The following ADGRL2 variants were observed in gnomAD, a reference collection of about 807,000 sequenced individuals.
ADGRL2 encodes calcium-independent alpha-latrotoxin receptor 2.
In ADGRL2, 44 loss-of-function variants were observed where a neutral mutation model predicts 157.4. The ratio of observed to expected loss-of-function variants is 0.28; its 90% CI spans 0.22 to 0.36. The LOEUF is 0.36. ADGRL2 is among the 10% of genes least tolerant of loss of function. ADGRL2 has a pLI of 1.00. For synonymous variants in ADGRL2, 585 were observed against 624.7 expected, an observed-to-expected ratio of 0.94 and a Z score of 0.95; for missense variants, 1,510 against 1,768.9, an observed-to-expected ratio of 0.85 and a Z score of 2.63.
At chr1:81,731,186 T>C (rs1242169041) in intron 1 of ADGRL2, among the ~76,000 whole-genome samples, 1 of 152,236 alleles carries the variant, frequency 6.6e-6, no homozygotes, top group Non-Finnish European at 1.5e-5. Context: ...AATGAACCAG[T>C]GTATTATGTT....
chr1:81,500,583 G>T (rs2078824890), intron 2 of ADGRL2, among the ~76,000 whole-genome samples: 1 of 152,122 alleles, frequency 6.6e-6, no homozygotes, highest in Admixed American at 6.6e-5. Flanking sequence ...ACTTATATAA[G>T]AGGTACCTGG....
chr1:81,600,114 T>A (rs2081308305), intron 3 of ADGRL2, among the ~76,000 whole-genome samples: 1 of 152,234 alleles, frequency 6.6e-6, no homozygotes, highest in African/African-American at 2.4e-5. Flanking sequence ...TGTGATGCTA[T>A]TTTCAAAATC....
chr1:81,775,589 A>T (rs983222919), intron 2 of ADGRL2, among the ~76,000 whole-genome samples: 145 of 152,174 alleles, frequency 9.5e-4, no homozygotes, highest in African/African-American at 3.4e-3. Flanking sequence ...TGGTTTAAAA[A>T]AAAAAAAAAA....
intron 2 of ADGRL2, among the ~76,000 whole-genome samples, chr1:81,550,559 A>T (rs1335273495): frequency 6.6e-6 from 1 of 152,176 alleles, no homozygotes; most frequent in Non-Finnish European, 1.5e-5. Flanking sequence ...AAATAAAGAC[A>T]ATTTCTCATC....
At chr1:81,652,049 C>T (rs1278425399) in intron 3 of ADGRL2, among the ~76,000 whole-genome samples, 1 of 152,128 alleles carries the variant, frequency 6.6e-6, no homozygotes, top group Non-Finnish European at 1.5e-5. Context: ...CTTTTCTCCA[C>T]ATGGCTAATG....
chr1:81,966,916 C>T (rs1657218396), intron 13 of ADGRL2, among the ~76,000 whole-genome samples: 2 of 152,132 alleles, frequency 1.3e-5, no homozygotes. Flanking sequence ...TGAAAATTAA[C>T]CCTTACCTTA....
chr1:81,559,440 A>G (rs1267636281), intron 2 of ADGRL2, among the ~76,000 whole-genome samples: 1 of 150,364 alleles, frequency 6.7e-6, no homozygotes, highest in African/African-American at 2.5e-5. Context: ...CCAATAAGCT[A>G]TGCTCCATGT....
chr1:81,653,744 A>G (rs1219608947), intron 3 of ADGRL2, among the ~76,000 whole-genome samples: 1 of 152,140 alleles, frequency 6.6e-6, no homozygotes, highest in Non-Finnish European at 1.5e-5. Flanking sequence ...TATTTAATCA[A>G]TAGGGATGTT....
At chr1:81,323,804 G>A (rs1182977567) in intron 1 of ADGRL2, among the ~76,000 whole-genome samples, 2 of 152,150 alleles carry the variant, frequency 1.3e-5, no homozygotes, top group Non-Finnish European at 2.9e-5. Flanking sequence ...TCCAAGCAAT[G>A]AGAATAGCAT....
intron 1 of ADGRL2, among the ~76,000 whole-genome samples, chr1:81,342,540 G>A (rs909292606): frequency 6.6e-6 from 1 of 152,004 alleles, no homozygotes; most frequent in Non-Finnish European, 1.5e-5. Flanking sequence ...GATTCCATCT[G>A]GCAATTTAGT....
intron 1 of ADGRL2, among the ~76,000 whole-genome samples, chr1:81,825,220 T>G (rs1345306177): frequency 1.3e-5 from 2 of 152,088 alleles, no homozygotes; most frequent in African/African-American, 4.8e-5. Context: ...AAAATTTTTT[T>G]TTGTTGTAGT....
chr1:81,846,328 A>G (rs1009857679), intron 2 of ADGRL2, among the ~76,000 whole-genome samples: 3 of 127,104 alleles, frequency 2.4e-5, no homozygotes, highest in African/African-American at 5.8e-5. Context: ...TGATTTTTGT[A>G]TCCCATGTAT....
At chr1:81,530,629 G>A (rs555773140) in intron 2 of ADGRL2, among the ~76,000 whole-genome samples, 3 of 152,100 alleles carry the variant, frequency 2.0e-5, no homozygotes, top group South Asian at 2.1e-4. Context: ...GATTACAGGC[G>A]TGAGCCACCA....
chr1:81,891,639 A>C (rs2094267475), intron 2 of ADGRL2, among the ~76,000 whole-genome samples: 1 of 152,088 alleles, frequency 6.6e-6, no homozygotes, highest in Non-Finnish European at 1.5e-5. Context: ...CTACTTTGAA[A>C]TTGATACTCT....
intron 1 of ADGRL2, among the ~76,000 whole-genome samples, chr1:81,801,283 G>T (rs187271563): frequency 1.3e-5 from 2 of 152,176 alleles, no homozygotes; most frequent in Non-Finnish European, 2.9e-5. Context: ...CGCTGTACAC[G>T]CTAGTATGTT....
intron 1 of ADGRL2, among the ~76,000 whole-genome samples, chr1:81,737,356 G>A (rs1353540881): frequency 6.6e-6 from 1 of 152,172 alleles, no homozygotes; most frequent in Non-Finnish European, 1.5e-5. Context: ...TTCACATGGT[G>A]GCAGGAGAAA....
intron 1 of ADGRL2, among the ~76,000 whole-genome samples, chr1:81,309,509 C>T (rs1273647002): frequency 6.6e-6 from 1 of 152,104 alleles, no homozygotes; most frequent in Non-Finnish European, 1.5e-5. Context: ...TCTCTGATGA[C>T]TAGTAGTAGG....
intron 2 of ADGRL2, among the ~76,000 whole-genome samples, chr1:81,458,760 C>T (rs965656721): frequency 6.6e-6 from 1 of 152,178 alleles, no homozygotes; most frequent in African/African-American, 2.4e-5. Context: ...AGGAGTGTTA[C>T]AGCTTTTGCT....
intron 3 of ADGRL2, among the ~76,000 whole-genome samples, chr1:81,622,776 A>G (rs894682239): frequency 1.6e-4 from 24 of 152,180 alleles, no homozygotes; most frequent in Non-Finnish European, 2.4e-4. Context: ...AACAAAACCT[A>G]TATTTTTAAA....
Sources: allele counts gnomAD v4.1 joint callset (sites outside exome capture counted in the v4.1 genomes callset), GRCh38; gene constraint gnomAD v4.1.1; transcripts MANE v1.5; gene names NCBI Gene and HGNC (gene_info 2026-07-23, HGNC 2026-07-21).